PARP11: variants seen among roughly 807,000 people sequenced by gnomAD.
The protein encoded by PARP11 is poly(ADP-ribose) polymerase family member 11.
Under a neutral mutation model 42.9 loss-of-function variants are expected in PARP11, and 31 were observed. That is an observed-to-expected ratio of 0.72 (90% CI 0.54 to 0.98). PARP11 has a LOEUF of 0.98. PARP11 is among the 50% of genes least tolerant of loss of function. The probability of loss-of-function intolerance (pLI) is 0.00; values close to 1 mark genes in which losing one functional copy is unlikely to be tolerated. For missense variants in PARP11, 365 were observed against 413.1 expected, an observed-to-expected ratio of 0.88 and a Z score of 1.01; for synonymous variants, 137 against 127.3, an observed-to-expected ratio of 1.08 and a Z score of -0.51.
At chr12:3,867,907 A>G (rs73047303) in intron 1 of PARP11, among the ~76,000 whole-genome samples, 6,374 of 152,292 alleles carry the variant, frequency 0.042, 169 homozygotes, top group South Asian at 0.11. Flanking sequence ...TCAGGGAGAA[A>G]TCTTCCGATA....
chr12:3,813,036 C>T (rs1283842057), intron 7 of PARP11, among the ~76,000 whole-genome samples: 1 of 152,130 alleles, frequency 6.6e-6, no homozygotes, highest in African/African-American at 2.4e-5. Context: ...AACTCTTGAC[C>T]TCAGGTGATC....
intron 7 of PARP11, among the ~76,000 whole-genome samples, chr12:3,813,074 G>C (rs1365273842): frequency 6.6e-6 from 1 of 152,078 alleles, no homozygotes. Flanking sequence ...CAAACTGCTG[G>C]GATTACAGGC....
chr12:3,841,421 A>G, intron 1 of PARP11: 3 of 1,337,444 alleles, frequency 2.2e-6, no homozygotes, highest in Non-Finnish European at 3.2e-6. Context: ...CCCTGGTTCA[A>G]AGAGGCTCCT....
At position 3,873,295 on chromosome 12, in the gene PARP11, A is replaced by ATT; in HGVS notation, c.-68_-67dup. 4.0e-5 allele frequency: 48 copies of ATT among 1,191,914 alleles called. No homozygotes were observed. Among genetic ancestry groups the ATT allele is most frequent in the Non-Finnish European group, 4.8e-5 (42 of 877,906 alleles). The allele number at this position is 1,191,914 out of a possible 1,614,324, so 73.8% of individuals were successfully genotyped here. A position where few individuals can be genotyped will look rare whatever the true frequency, so the allele number is the denominator to read the frequency against. Reference sequence around the variant, plus strand: ...GCTAGCCGCGGGGCCTGGGTGTTGGATTTTTTTTTTTCCCGCGGGTCCCCG... The same window carrying ATT: ...GCTAGCCGCGGGGCCTGGGTGTTGGATTTTTTTTTTTTTCCCGCGGGTCCCCG... On this transcript the variant is annotated 5_prime_UTR_variant, in exon 1 of 8. Transcript: ENST00000228820.
chr12:3,867,700 C>T (rs1031800871), intron 1 of PARP11, among the ~76,000 whole-genome samples: 4 of 152,140 alleles, frequency 2.6e-5, no homozygotes, highest in African/African-American at 9.7e-5. Flanking sequence ...AGACTGATTA[C>T]ACTATTGTGT....
chr12:3,812,331 A>C lies in PARP11; in HGVS notation c.809T>G (p.Leu270Arg), dbSNP rs1319343812. 2 of 1,614,218 alleles carry C rather than the reference A, an allele frequency of 1.2e-6. No individual in the cohort carries two copies. The highest frequency in any genetic ancestry group is 1.7e-6 in the Non-Finnish European group (2 of 1,180,020). Residue 270 changes from leucine (L) to arginine (R), a missense_variant, in exon 8 of 8, where the codon CTG (leucine) becomes CGG (arginine). Coordinates refer to ENST00000228820, the MANE Select transcript of PARP11 (RefSeq NM_020367.6). The stretch of plus-strand genomic sequence containing the variant: ...AAACATAGATTTATATGTTCTAAAC[A>C]GATGCCGCTGTTGCAAGCTGACACC... ...IHGVSLQQRH[L>R]FRTYKSMFLA...
intron 1 of PARP11, among the ~76,000 whole-genome samples, chr12:3,830,932 T>G (rs528693713): frequency 6.6e-6 from 1 of 152,346 alleles, no homozygotes; most frequent in South Asian, 2.1e-4. Context: ...AACTCACATA[T>G]GCATTATCTT....
At chr12:3,857,059 A>T (rs1020994390) in intron 1 of PARP11, among the ~76,000 whole-genome samples, 1 of 151,624 alleles carries the variant, frequency 6.6e-6, no homozygotes, top group African/African-American at 2.4e-5. Context: ...GTTCTCACTC[A>T]TAAGTGGGAT....
chr12:3,861,796 G>A lies in PARP11; in HGVS notation c.18+11416C>T, dbSNP rs1011239039. Among the ~76,000 whole-genome samples the A allele has an allele frequency of 3.3e-5, 5 of 151,112 alleles. No individual in the cohort carries two copies. The highest frequency in any genetic ancestry group is 9.7e-5 in the African/African-American group (4 of 41,052). Reference sequence around the variant, plus strand: ...TCCCAGTACTTTGGGAGGCCGAGGCGGGCGGATCACGAGGTCAGGAGATTG... The same window carrying A: ...TCCCAGTACTTTGGGAGGCCGAGGCAGGCGGATCACGAGGTCAGGAGATTG... On this transcript the variant is annotated intron_variant, in intron 1 of 7. Transcript: ENST00000228820. The surrounding 1 kb of genome is among the most constrained non-coding windows in gnomAD (Gnocchi z 4.6).
At chr12:3,818,727 A>C (rs192304754) in intron 6 of PARP11, among the ~76,000 whole-genome samples, 29 of 152,360 alleles carry the variant, frequency 1.9e-4, no homozygotes, top group Non-Finnish European at 3.4e-4. Context: ...AAAAATGCAA[A>C]GGAACTTTTC....
At chr12:3,833,142 T>C (rs1258035155) in intron 1 of PARP11, among the ~76,000 whole-genome samples, 1 of 152,262 alleles carries the variant, frequency 6.6e-6, no homozygotes, top group African/African-American at 2.4e-5. Flanking sequence ...ATTTATTTTG[T>C]TAGCATGAGT....
Position 3,868,821 on chromosome 12 carries a change from C to T in PARP11, c.18+4391G>A, listed in dbSNP as rs531478262. ...TAGTCTTCCTACAGCCCCTTATCCC[C>T]CTCAGTATTTTCTTTTGCTGCTAGA... On this transcript the variant is annotated intron_variant, in intron 1 of 7. Transcript: ENST00000228820. Among the ~76,000 whole-genome samples, 27 of 152,326 alleles carry T rather than the reference C, an allele frequency of 1.8e-4. No homozygotes were observed. In the South Asian group the frequency reaches 5.6e-3, roughly 32 times the overall value.
intron 4 of PARP11, 33 bp downstream of exon 4, chr12:3,826,125 C>A: frequency 1.5e-6 from 2 of 1,333,828 alleles, no homozygotes; most frequent in Non-Finnish European, 2.1e-6. Flanking sequence ...AAAAAAAAAC[C>A]CACTCTTTCC....
At chr12:3,829,319 T>C (rs1192554360) in intron 2 of PARP11, among the ~76,000 whole-genome samples, 1 of 152,218 alleles carries the variant, frequency 6.6e-6, no homozygotes, top group African/African-American at 2.4e-5. Flanking sequence ...ATTATTCCAA[T>C]AATTATACTT....
chr12:3,847,726 G>T (rs964244029), intron 1 of PARP11, among the ~76,000 whole-genome samples: 2 of 152,110 alleles, frequency 1.3e-5, no homozygotes, highest in African/African-American at 2.4e-5. Context: ...CACTAAATGG[G>T]AAAAAATTAA....
chr12:3,817,527 G>A (rs1347831777), intron 6 of PARP11, among the ~76,000 whole-genome samples: 2 of 152,160 alleles, frequency 1.3e-5, no homozygotes, highest in Non-Finnish European at 2.9e-5. Context: ...GGCTAAAGGT[G>A]ATTTCCAGGG....
At chr12:3,858,975 T>C (rs1386983587) in intron 1 of PARP11, among the ~76,000 whole-genome samples, 1 of 151,232 alleles carries the variant, frequency 6.6e-6, no homozygotes, top group East Asian at 2.0e-4. Context: ...TAGGCGCCTG[T>C]AATCCCAGTT....
intron 3 of PARP11, 112 bp from the exon 4 acceptor site, chr12:3,826,345 A>C (rs557565893): frequency 1.4e-6 from 1 of 693,934 alleles, no homozygotes; most frequent in Non-Finnish European, 2.3e-6. Flanking sequence ...GAGCTTCGGG[A>C]GTAGCTGGCA....
At chr12:3,847,016 A>G (rs1361278119) in intron 1 of PARP11, among the ~76,000 whole-genome samples, 1 of 149,932 alleles carries the variant, frequency 6.7e-6, no homozygotes, top group Non-Finnish European at 1.5e-5. Context: ...AGTTAAAGCT[A>G]CAGTGAGCTA....
Sources: allele counts gnomAD v4.1 joint callset (sites outside exome capture counted in the v4.1 genomes callset), GRCh38; gene constraint gnomAD v4.1.1; non-coding constraint Gnocchi (gnomAD v3.1); transcripts MANE v1.5; gene names NCBI Gene and HGNC (gene_info 2026-07-23, HGNC 2026-07-21).